Variants in ARHGEF28 observed in about 807,000 individuals in gnomAD.
ARHGEF28 encodes the protein 190 kDa guanine nucleotide exchange factor.
Under a neutral mutation model 206.6 loss-of-function variants are expected in ARHGEF28, and 152 were observed. That is an observed-to-expected ratio of 0.74 (90% confidence interval 0.64 to 0.84). ARHGEF28 has a LOEUF of 0.84. Among genes scored for constraint, ARHGEF28 ranks in the 40% least tolerant of loss-of-function variants. The probability of loss-of-function intolerance (pLI) is 0.00; values close to 1 mark genes in which losing one functional copy is unlikely to be tolerated. For missense variants in ARHGEF28, 2,028 were observed against 2,073.2 expected, an observed-to-expected ratio of 0.98 and a Z score of 0.42; for synonymous variants, 763 against 776.4, an observed-to-expected ratio of 0.98 and a Z score of 0.29.
chr5:73,941,065 A>G lies in ARHGEF28; in HGVS notation c.*52A>G. On this transcript the variant is annotated 3_prime_UTR_variant, in exon 36 of 36. Transcript: ENST00000513042. ...CAAAACACTGGCACTTTTGGGAGAA[A>G]CTTTTTGTCTCCATTCCTTATGTAT... is the stretch of plus-strand genomic sequence containing the variant. 7.1e-7 allele frequency: 1 copy of G among 1,411,592 alleles called. No homozygotes were observed. Among genetic ancestry groups the G allele is most frequent in the African/African-American group, 1.4e-5 (1 of 69,000 alleles). 87.4% of individuals were successfully genotyped at this position (1,411,592 alleles called of 1,614,324 possible).
At position 73,882,504 on chromosome 5, in the gene ARHGEF28, A is replaced by G; in HGVS notation, c.2847A>G (p.Lys949=). Residue 949 remains lysine, a synonymous_variant, in exon 23 of 36, where the codon AAA becomes AAG. Transcript: ENST00000513042. ...FSEENASKMK[K]IYGEFCCHHK... The stretch of plus-strand genomic sequence containing the variant: ...AAGAAAATGCAAGTAAAATGAAGAA[A>G]ATATATGGAGAATTCTGTTGCCATC... 6.8e-7 allele frequency: 1 copy of G among 1,474,914 alleles called. No homozygotes were observed. Among genetic ancestry groups the G allele is most frequent in the South Asian group, 1.3e-5 (1 of 74,710 alleles). 91.4% of individuals were successfully genotyped at this position (1,474,914 alleles called of 1,614,324 possible).
At chr5:73,939,741 A>G (rs1035079620) in intron 35 of ARHGEF28, among the ~76,000 whole-genome samples, 1 of 152,340 alleles carries the variant, frequency 6.6e-6, no homozygotes, top group Admixed American at 6.5e-5. Context: ...TTCTCTAGCA[A>G]CCAAAGATCC....
At chr5:73,639,924 A>G (rs887336335) in intron 1 of ARHGEF28, among the ~76,000 whole-genome samples, 1 of 152,242 alleles carries the variant, frequency 6.6e-6, no homozygotes, top group Non-Finnish European at 1.5e-5. Context: ...TGGCAAATCA[A>G]TCAGTGGCTT....
intron 4 of ARHGEF28, among the ~76,000 whole-genome samples, chr5:73,771,212 A>G (rs942495497): frequency 1.3e-5 from 2 of 152,228 alleles, no homozygotes; most frequent in African/African-American, 2.4e-5. Flanking sequence ...ACTATGGAAT[A>G]TTTCTCACTA....
chr5:73,858,264 G>C (rs755074986), intron 16 of ARHGEF28, 45 bp downstream of exon 16: 2 of 1,525,986 alleles, frequency 1.3e-6, no homozygotes, highest in South Asian at 2.7e-5. Context: ...TTCATCTCCT[G>C]ACAGTAACCT....
intron 18 of ARHGEF28, 53 bp from the exon 19 acceptor site, chr5:73,867,823 T>C: frequency 6.2e-7 from 1 of 1,610,654 alleles, no homozygotes. Context: ...TGACTACTTT[T>C]ACTTGTAATT....
Position 73,894,467 on chromosome 5 carries a change from G to A in ARHGEF28, c.3733G>A (p.Glu1245Lys). 1 of 1,613,912 alleles carries A rather than the reference G, an allele frequency of 6.2e-7. No individual in the cohort carries two copies. The highest frequency in any genetic ancestry group is 8.5e-7 in the Non-Finnish European group (1 of 1,179,862). The change falls in exon 29 of 36, where the codon GAA (glutamate) becomes AAA (lysine). Residue 1245 changes from glutamate to lysine, a missense_variant. Physicochemically the swap from Glu to Lys is moderately conservative, Grantham distance 56. This residue lies in a region of ARHGEF28 where 803 missense variants were observed against 768.0 expected (regional missense o/e 1.05). Coordinates refer to ENST00000513042, the MANE Select transcript of ARHGEF28 (RefSeq NM_001177693.2). ...EKLHIYAELGELSGFEDVHLE... is the reference protein window; with the variant it reads ...EKLHIYAELGKLSGFEDVHLE... ...GCTGCATATCTATGCTGAACTTGGA[G>A]AACTGAGCGGATTTGAGGACGTCCA...
intron 1 of ARHGEF28, among the ~76,000 whole-genome samples, chr5:73,668,862 C>A (rs969003866): frequency 1.3e-5 from 2 of 152,162 alleles, no homozygotes; most frequent in African/African-American, 4.8e-5. Flanking sequence ...ATTCAGCAGT[C>A]TTTGGTTTAG....
intron 7 of ARHGEF28, among the ~76,000 whole-genome samples, chr5:73,788,426 G>A (rs555257292): frequency 2.6e-5 from 4 of 152,058 alleles, no homozygotes; most frequent in Admixed American, 6.6e-5. Flanking sequence ...CACTCCTCAA[G>A]CTTAACTACT....
At chr5:73,844,312 A>G (rs1370306408) in intron 11 of ARHGEF28, among the ~76,000 whole-genome samples, 6 of 152,198 alleles carry the variant, frequency 3.9e-5, no homozygotes, top group African/African-American at 9.6e-5. Flanking sequence ...ACTATTTTCC[A>G]CTAGTACAGA....
intron 10 of ARHGEF28, among the ~76,000 whole-genome samples, chr5:73,835,469 C>CAA (rs35411118): frequency 0.07 from 7,150 of 102,394 alleles, 235 homozygotes; most frequent in Non-Finnish European, 0.1. Context: ...GACTCTGTCT[C>CAA]AAAAAAAAAA....
intron 11 of ARHGEF28, among the ~76,000 whole-genome samples, chr5:73,842,760 C>T (rs1048216958): frequency 5.3e-5 from 8 of 152,122 alleles, no homozygotes; most frequent in African/African-American, 1.7e-4. Flanking sequence ...AGGTGGATCA[C>T]CTGAGGTCAG....
At chr5:73,638,320 T>C (rs1561301056) in intron 1 of ARHGEF28, among the ~76,000 whole-genome samples, 2 of 152,218 alleles carry the variant, frequency 1.3e-5, no homozygotes, top group Non-Finnish European at 2.9e-5. Context: ...CTTAACTTTG[T>C]ATGGAAAAAC....
intron 4 of ARHGEF28, among the ~76,000 whole-genome samples, chr5:73,757,809 C>T (rs1361915770): frequency 6.6e-6 from 1 of 152,114 alleles, no homozygotes; most frequent in Non-Finnish European, 1.5e-5. Context: ...CTCAGAAGCC[C>T]AAATTTGGAG....
chr5:73,832,892 T>G (rs192230277), intron 10 of ARHGEF28, among the ~76,000 whole-genome samples: 23 of 152,352 alleles, frequency 1.5e-4, no homozygotes, highest in Non-Finnish European at 2.8e-4. Context: ...TCACATAAAT[T>G]ACTTGCTTAA....
chr5:73,787,253 C>G (rs1754219471), intron 7 of ARHGEF28, among the ~76,000 whole-genome samples: 1 of 152,196 alleles, frequency 6.6e-6, no homozygotes, highest in Non-Finnish European at 1.5e-5. Flanking sequence ...GCATACACAG[C>G]TCTACCTTGA....
chr5:73,661,036 C>A (rs1372932781), intron 1 of ARHGEF28, among the ~76,000 whole-genome samples: 1 of 152,232 alleles, frequency 6.6e-6, no homozygotes. Flanking sequence ...ACACCTCCTC[C>A]TTACCTATGA....
In ARHGEF28 at chr5:73,757,741, T is replaced by C. The variant is rs72770865; in HGVS notation, c.475+4539T>C. Among the ~76,000 whole-genome samples the C allele has an allele frequency of 2.5e-3, 382 of 152,368 alleles. 1 individual carries two copies. The highest frequency in any genetic ancestry group is 4.3e-3 in the Non-Finnish European group (290 of 68,028). On this transcript the variant is annotated intron_variant, in intron 4 of 35. Coordinates refer to ENST00000513042, the MANE Select transcript of ARHGEF28 (RefSeq NM_001177693.2). ...TAAATAAAATTGGATTTCTAGTTCATAAAATTAAGACCATTCCTTTTATGA... is the reference window on the plus strand; with the variant it reads ...TAAATAAAATTGGATTTCTAGTTCACAAAATTAAGACCATTCCTTTTATGA...
chr5:73,641,129 T>C (rs1054665152), intron 1 of ARHGEF28, among the ~76,000 whole-genome samples: 5 of 152,218 alleles, frequency 3.3e-5, no homozygotes, highest in Admixed American at 6.5e-5. Flanking sequence ...TCTTCCATTG[T>C]TTAGCTAGAG....
Sources: gnomAD v4.1 joint callset for allele counts (sites outside exome capture counted in the v4.1 genomes callset) on GRCh38, gnomAD v4.1.1 for gene constraint, gnomAD v4.1.1 regional missense constraint, MANE v1.5 for transcripts, NCBI Gene and HGNC (gene_info 2026-07-23, HGNC 2026-07-21) for gene names.